SPECC1: variants seen among roughly 807,000 people sequenced by gnomAD.
SPECC1 encodes sperm antigen with calponin homology and coiled-coil domains 1, also known as cytospin-B.
Under a neutral mutation model 104.1 loss-of-function variants are expected in SPECC1, and 62 were observed. The observed-to-expected ratio is 0.60, with a 90% CI of 0.49 to 0.74. SPECC1 has a LOEUF of 0.74. SPECC1 is among the 30% of genes least tolerant of loss of function. The pLI is 0.00. For missense variants in SPECC1, 1,306 were observed against 1,310.5 expected (o/e 1.00, Z 0.05); for synonymous variants, 513 against 501.6 (o/e 1.02, Z -0.30).
chr17:20,038,690 G>A (rs982733091), intron 1 of SPECC1, among the ~76,000 whole-genome samples: 13 of 152,230 alleles, frequency 8.5e-5, no homozygotes, highest in Non-Finnish European at 1.8e-4. Context: ...GTGAGCCACC[G>A]CACCCAGCCA....
At position 20,067,942 on chromosome 17, in the gene SPECC1, G is replaced by A. The variant is rs745349657; in HGVS notation, c.-21-28689G>A. The stretch of plus-strand genomic sequence containing the variant: ...TGAATTCCCCTCTTCTGGACATTGC[G>A]TAGAAGTGGAATTATACAATAGATG... On this transcript the variant is annotated intron_variant, in intron 1 of 14. Transcript: ENST00000395527. 1.4e-4 allele frequency among the ~76,000 whole-genome samples: 21 copies of A among 151,902 alleles called. 1 individual carries two copies. Among genetic ancestry groups the A allele is most frequent in the Non-Finnish European group, 2.6e-4 (18 of 67,964 alleles).
rs1303518474 is a variant in SPECC1, at chr17:20,264,119, CTG to C, written c.2940+3826_2940+3827del. Among the ~76,000 whole-genome samples, 6 of 152,292 alleles carry C rather than the reference CTG, an allele frequency of 3.9e-5. No individual in the cohort carries two copies. The South Asian group carries it at 1.2e-3, about 32-fold the overall frequency. ...CTCAGAATTAGGAAGCCAAAAATAA[CTG>C]GTGAAAACTTTTTGAAAACCGGGAA... On this transcript the variant is annotated intron_variant, in intron 12 of 14. Coordinates refer to ENST00000395527, the MANE Select transcript of SPECC1 (RefSeq NM_001243439.2).
intron 12 of SPECC1, among the ~76,000 whole-genome samples, chr17:20,277,160 T>C (rs2040601149): frequency 6.6e-6 from 1 of 152,194 alleles, no homozygotes. Context: ...TCTCATGGCA[T>C]CTGATGTCTA....
rs77039728 is a variant in SPECC1, at chr17:20,221,726, A to G, written c.1864-5687A>G. The stretch of plus-strand genomic sequence containing the variant: ...TTGCTTTTCTGGTTATTTAAGATGC[A>G]TTGTTTGTTTATTTGAAGTTTTTCT... On this transcript the variant is annotated intron_variant, in intron 4 of 14. Transcript: ENST00000395527. Among the ~76,000 whole-genome samples the G allele has an allele frequency of 9.6e-3, 1,458 of 151,622 alleles. 29 individuals are homozygous for G. The highest frequency in any genetic ancestry group is 0.084 in the East Asian group (430 of 5,138).
chr17:20,310,952 T>C (rs1447062687), intron 14 of SPECC1, among the ~76,000 whole-genome samples: 2 of 152,180 alleles, frequency 1.3e-5, no homozygotes, highest in African/African-American at 4.8e-5. Context: ...GTGGATGCAC[T>C]CTATAAGAGG....
intron 3 of SPECC1, among the ~76,000 whole-genome samples, chr17:20,183,744 T>G (rs1049286741): frequency 2.0e-5 from 3 of 152,196 alleles, no homozygotes; most frequent in Non-Finnish European, 4.4e-5. Context: ...AAGAAAAACA[T>G]GTCTATATAC....
chr17:20,146,467 G>C (rs943551592), intron 3 of SPECC1, among the ~76,000 whole-genome samples: 2 of 152,158 alleles, frequency 1.3e-5, no homozygotes, highest in African/African-American at 4.8e-5. Context: ...GGATATTTTT[G>C]TTGCTTCCAA....
chr17:20,216,115 C>T (rs1044571816), intron 4 of SPECC1, among the ~76,000 whole-genome samples: 5 of 152,174 alleles, frequency 3.3e-5, no homozygotes, highest in African/African-American at 4.8e-5. Context: ...AAAGAACAAT[C>T]CAGCATGTAT....
rs1239184163 is a variant in SPECC1, at chr17:20,156,113, C to A, written c.283+45551C>A. 3.9e-5 allele frequency: 53 copies of A among 1,365,630 alleles called. No individual in the cohort carries two copies. In the East Asian group the frequency reaches 1.5e-3, roughly 40 times the overall value. 84.6% of individuals were successfully genotyped at this position (1,365,630 alleles called of 1,614,324 possible). A position where few individuals can be genotyped will look rare whatever the true frequency, so the allele number is the denominator to read the frequency against. ...GCGGACCCGCCGGACGCAACCGCCT[C>A]GCCAGCCGGAGCCAGCGCGAGCTCG... On this transcript the variant is annotated intron_variant, in intron 3 of 14. Transcript: ENST00000395527.
intron 3 of SPECC1, among the ~76,000 whole-genome samples, chr17:20,180,533 A>G (rs1290038782): frequency 6.6e-6 from 1 of 152,252 alleles, no homozygotes; most frequent in Non-Finnish European, 1.5e-5. Context: ...TGTCTTTTCT[A>G]ATTTGACGGG....
chr17:20,195,304 T>A (rs2526488), intron 3 of SPECC1, among the ~76,000 whole-genome samples: 107,431 of 152,130 alleles, frequency 0.71, 39,659 homozygotes, highest in East Asian at 0.99. Context: ...TAAAGCCACA[T>A]TTGATAAGGA....
chr17:20,171,113 T>C (rs1319249393), intron 3 of SPECC1, among the ~76,000 whole-genome samples: 2 of 152,170 alleles, frequency 1.3e-5, no homozygotes, highest in Admixed American at 6.6e-5. Context: ...CCTCTTTTGC[T>C]CTCCCCTCAG....
intron 10 of SPECC1, among the ~76,000 whole-genome samples, chr17:20,255,722 G>A (rs2039800855): frequency 6.6e-6 from 1 of 152,134 alleles, no homozygotes; most frequent in African/African-American, 2.4e-5. Flanking sequence ...ATGTCACCAT[G>A]CCTGGCTAAT....
intron 3 of SPECC1, among the ~76,000 whole-genome samples, chr17:20,117,217 C>T (rs2048805526): frequency 6.6e-6 from 1 of 151,968 alleles, no homozygotes; most frequent in African/African-American, 2.4e-5. Context: ...GGATCCCTAT[C>T]TCATTCCTCC....
At chr17:20,174,003 G>A (rs1351918329) in intron 3 of SPECC1, among the ~76,000 whole-genome samples, 2 of 151,788 alleles carry the variant, frequency 1.3e-5, no homozygotes, top group Non-Finnish European at 2.9e-5. Flanking sequence ...TGTGATCTCG[G>A]CTCACTGCAA....
chr17:20,151,899 A>T (rs2152567529), intron 3 of SPECC1, among the ~76,000 whole-genome samples: 1 of 149,908 alleles, frequency 6.7e-6, no homozygotes, highest in African/African-American at 2.5e-5. Context: ...AAATAGAAAA[A>T]TTAGCTGGGC....
intron 1 of SPECC1, among the ~76,000 whole-genome samples, chr17:20,051,521 A>T (rs758250655): frequency 7.2e-5 from 11 of 152,068 alleles, no homozygotes; most frequent in South Asian, 2.1e-4. Context: ...TTCTGTCCTG[A>T]ATTTGTTATA....
At chr17:20,132,508 T>C (rs1567866339) in intron 3 of SPECC1, among the ~76,000 whole-genome samples, 1 of 151,484 alleles carries the variant, frequency 6.6e-6, no homozygotes, top group Non-Finnish European at 1.5e-5. Context: ...AAATATTCTC[T>C]ACTTAGAAGT....
chr17:20,306,443 G>A (rs2041766943), intron 14 of SPECC1, among the ~76,000 whole-genome samples: 1 of 152,172 alleles, frequency 6.6e-6, no homozygotes, highest in East Asian at 1.9e-4. Flanking sequence ...TGCCAGAAAT[G>A]TAAAACAAAG....
Sources: allele counts gnomAD v4.1 joint callset (sites outside exome capture counted in the v4.1 genomes callset), GRCh38; gene constraint gnomAD v4.1.1; transcripts MANE v1.5; gene names NCBI Gene and HGNC (gene_info 2026-07-23, HGNC 2026-07-21).